The following GALNT13 variants were observed in gnomAD, a reference collection of about 807,000 sequenced individuals.
GALNT13 encodes UDP-GalNAc:polypeptide N-acetylgalactosaminyltransferase 13.
GALNT13 carries 28 observed loss-of-function variants against 64.2 expected under a neutral mutation model. That is an observed-to-expected ratio of 0.44 (90% CI 0.32 to 0.60). GALNT13 has a LOEUF of 0.60. Among genes scored for constraint, GALNT13 ranks in the 20% least tolerant of loss-of-function variants. The pLI, the probability that GALNT13 is intolerant of heterozygous loss-of-function variation, is 0.05. For missense variants in GALNT13, 577 were observed against 669.8 expected (o/e 0.86, Z 1.53); for synonymous variants, 214 against 224.6 (o/e 0.95, Z 0.42).
intron 3 of GALNT13, among the ~76,000 whole-genome samples, chr2:153,955,306 A>G (rs1692484911): frequency 6.6e-6 from 1 of 152,190 alleles, no homozygotes; most frequent in African/African-American, 2.4e-5. Context: ...CAAAACAGAA[A>G]GTGGTACCTG....
At chr2:153,791,471 T>C in the GALNT13 span, among the ~76,000 whole-genome samples, 4 of 152,260 alleles carry the variant, frequency 2.6e-5, no homozygotes, top group South Asian at 2.1e-4. Context: ...TGCTTATACA[T>C]GTTGATTGGA....
At chr2:153,732,140 T>G in the GALNT13 span, among the ~76,000 whole-genome samples, 2 of 152,022 alleles carry the variant, frequency 1.3e-5, no homozygotes, top group Non-Finnish European at 2.9e-5. Flanking sequence ...AAAACTATCA[T>G]TAGGTTATAT....
At chr2:153,153,524 G>T in the GALNT13 span, among the ~76,000 whole-genome samples, 1 of 151,982 alleles carries the variant, frequency 6.6e-6, no homozygotes. Context: ...ATAGTTTTGG[G>T]TTTTACATTT....
the GALNT13 span, among the ~76,000 whole-genome samples, chr2:153,250,980 A>G: frequency 4.6e-5 from 7 of 152,202 alleles, no homozygotes; most frequent in Non-Finnish European, 8.8e-5. Flanking sequence ...CAACCATGGC[A>G]TATGTATACC....
chr2:153,608,954 T>C, the GALNT13 span, among the ~76,000 whole-genome samples: 2 of 149,858 alleles, frequency 1.3e-5, no homozygotes, highest in Non-Finnish European at 3.0e-5. Context: ...TCTTGCTCTG[T>C]TGCCCAGGCT....
chr2:153,265,771 A>T, the GALNT13 span, among the ~76,000 whole-genome samples: 4 of 152,208 alleles, frequency 2.6e-5, no homozygotes, highest in Non-Finnish European at 5.9e-5. Flanking sequence ...CCTCTTCCAG[A>T]ACAAGGTTTC....
the GALNT13 span, among the ~76,000 whole-genome samples, chr2:153,413,356 A>G: frequency 6.6e-6 from 1 of 152,110 alleles, no homozygotes; most frequent in Non-Finnish European, 1.5e-5. Flanking sequence ...GTAAGTGGAC[A>G]CTTACTACTG....
rs1425293415 is a variant in GALNT13, at chr2:154,451,572, A to G, written c.*1021A>G. 2 of 152,132 alleles carry G rather than the reference A, an allele frequency of 1.3e-5. No individual in the cohort carries two copies. Among genetic ancestry groups the G allele is most frequent in the East Asian group, 1.9e-4 (1 of 5,198 alleles). The allele number at this position is 152,132 out of a possible 1,614,324, so 9.4% of individuals were successfully genotyped here. On this transcript the variant is annotated 3_prime_UTR_variant, in exon 13 of 13. Coordinates refer to ENST00000392825, the MANE Select transcript of GALNT13 (RefSeq NM_052917.4). ...CTGTGCTCCAGTATCTAAAAATTTTATCACCAGGGGAATAAACTCAATACA... is the reference window on the plus strand; with the variant it reads ...CTGTGCTCCAGTATCTAAAAATTTTGTCACCAGGGGAATAAACTCAATACA...
the GALNT13 span, among the ~76,000 whole-genome samples, chr2:153,754,675 T>C: frequency 6.6e-6 from 1 of 152,096 alleles, no homozygotes; most frequent in African/African-American, 2.4e-5. Context: ...CAGCACTGCC[T>C]TACCTTCCCT....
chr2:153,364,146 T>A, the GALNT13 span, among the ~76,000 whole-genome samples: 1 of 152,210 alleles, frequency 6.6e-6, no homozygotes, highest in East Asian at 1.9e-4. Context: ...ACCACATGAT[T>A]ATCTCAATAG....
At chr2:153,176,155 C>T in the GALNT13 span, among the ~76,000 whole-genome samples, 8 of 152,064 alleles carry the variant, frequency 5.3e-5, no homozygotes, top group African/African-American at 1.4e-4. Context: ...AATCAGAAAC[C>T]CATGAGAGTA....
chr2:153,928,372 G>T (rs1690293606), intron 2 of GALNT13, among the ~76,000 whole-genome samples: 2 of 152,160 alleles, frequency 1.3e-5, no homozygotes, highest in African/African-American at 2.4e-5. Flanking sequence ...GGATGTCTCA[G>T]TGGAAACATT....
the GALNT13 span, among the ~76,000 whole-genome samples, chr2:153,330,278 A>C: frequency 1.3e-5 from 2 of 152,096 alleles, no homozygotes; most frequent in African/African-American, 2.4e-5. Flanking sequence ...TTGGTTCCAT[A>C]TGAGTTTTAG....
chr2:154,061,467 T>C (rs1700180123), intron 3 of GALNT13, among the ~76,000 whole-genome samples: 1 of 152,198 alleles, frequency 6.6e-6, no homozygotes, highest in Non-Finnish European at 1.5e-5. Flanking sequence ...TTTATTCAGA[T>C]TAATTTTTAT....
At chr2:153,080,871 T>C in the GALNT13 span, among the ~76,000 whole-genome samples, 2 of 152,136 alleles carry the variant, frequency 1.3e-5, no homozygotes, top group Admixed American at 6.5e-5. Flanking sequence ...ATTTTTAATA[T>C]TCTTTTTCTC....
At chr2:154,062,478 G>C (rs1485044948) in intron 3 of GALNT13, among the ~76,000 whole-genome samples, 1 of 152,102 alleles carries the variant, frequency 6.6e-6, no homozygotes, top group Non-Finnish European at 1.5e-5. Flanking sequence ...TCACAGTTCT[G>C]CAGCCTCTAC....
chr2:154,277,625 G>A (rs987195229), intron 8 of GALNT13, among the ~76,000 whole-genome samples: 1 of 152,100 alleles, frequency 6.6e-6, no homozygotes, highest in Non-Finnish European at 1.5e-5. Flanking sequence ...GAGTGTGTGA[G>A]ATAATGTTGA....
At chr2:153,906,100 G>A (rs189067654) in intron 2 of GALNT13, among the ~76,000 whole-genome samples, 5 of 151,808 alleles carry the variant, frequency 3.3e-5, no homozygotes, top group Admixed American at 6.6e-5. Context: ...CACAGTTGAC[G>A]ATGAGTAACT....
chr2:153,817,775 G>A, the GALNT13 span, among the ~76,000 whole-genome samples: 41 of 152,144 alleles, frequency 2.7e-4, no homozygotes, highest in Admixed American at 9.2e-4. Context: ...ATAAATATTC[G>A]TAGTAGCATT....
Sources: allele counts gnomAD v4.1 joint callset (sites outside exome capture counted in the v4.1 genomes callset), GRCh38; gene constraint gnomAD v4.1.1; transcripts MANE v1.5; gene names NCBI Gene and HGNC (gene_info 2026-07-23, HGNC 2026-07-21).